The following UTS2B variants were observed in gnomAD, a reference collection of about 807,000 sequenced individuals.
UTS2B encodes urotensin 2B.
UTS2B carries 21 observed loss-of-function variants against 19.2 expected under a neutral mutation model. The observed-to-expected ratio is 1.09, with a 90% confidence interval of 0.78 to 1.58. The LOEUF (loss-of-function observed/expected upper bound fraction) is 1.58. Ranked by LOEUF, UTS2B falls within the 40% of genes most tolerant of loss-of-function variation. UTS2B has a pLI of 0.00. For missense variants in UTS2B, 138 were observed against 130.3 expected (o/e 1.06, Z -0.29); for synonymous variants, 57 against 50.2 (o/e 1.14, Z -0.58).
intron 6 of UTS2B, among the ~76,000 whole-genome samples, 193 bp from the exon 7 acceptor site, chr3:191,277,037 G>A (rs760235720): frequency 5.3e-5 from 8 of 152,100 alleles, no homozygotes; most frequent in Non-Finnish European, 1.0e-4. Context: ...AATCAGTTAT[G>A]TCATCTGAAA....
the UTS2B span, among the ~76,000 whole-genome samples, chr3:191,338,314 A>T: frequency 6.6e-6 from 1 of 152,192 alleles, no homozygotes; most frequent in African/African-American, 2.4e-5. Flanking sequence ...GTCTGTGTAA[A>T]TATCGAATAC....
chr3:191,291,909 T>C (rs1269241025), intron 4 of UTS2B, among the ~76,000 whole-genome samples: 2 of 152,154 alleles, frequency 1.3e-5, no homozygotes, highest in Non-Finnish European at 2.9e-5. Context: ...GTCATAGATG[T>C]ATGGTTTTAT....
chr3:191,279,007 T>A (rs1328114657), intron 5 of UTS2B, among the ~76,000 whole-genome samples: 1 of 152,070 alleles, frequency 6.6e-6, no homozygotes, highest in Admixed American at 6.6e-5. Context: ...TAATGAGATT[T>A]AAGTTTAGGA....
At chr3:191,295,049 C>G (rs949745303) in intron 4 of UTS2B, among the ~76,000 whole-genome samples, 1 of 133,234 alleles carries the variant, frequency 7.5e-6, no homozygotes, top group African/African-American at 2.6e-5. Context: ...ACAACAACAA[C>G]AACAAACTTT....
At chr3:191,287,013 T>A (rs1305063777) in intron 4 of UTS2B, among the ~76,000 whole-genome samples, 1 of 150,178 alleles carries the variant, frequency 6.7e-6, no homozygotes. Context: ...TCAAAAAAAA[T>A]GGATAAATTC....
rs115986233 is a variant in UTS2B at position 191,329,954 on chromosome 3, G to C, written c.-665+460C>G. On this transcript the variant is annotated intron_variant, in intron 1 of 8. Coordinates refer to ENST00000340524, the MANE Select transcript of UTS2B (RefSeq NM_198152.5). ...TCAAGGGGGTGGTTGGGGGGGGGGGGGGCTAGCAGCAGCCCCAGCAAGTAG... is the reference window on the plus strand; with the variant it reads ...TCAAGGGGGTGGTTGGGGGGGGGGGCGGCTAGCAGCAGCCCCAGCAAGTAG... Among the ~76,000 whole-genome samples the C allele has an allele frequency of 6.2e-4, 86 of 138,340 alleles. 1 individual carries two copies. Among genetic ancestry groups the C allele is most frequent in the African/African-American group, 9.4e-4 (35 of 37,294 alleles). 90.8% of individuals were successfully genotyped at this position (138,340 alleles called of 152,430 possible). A position where few individuals can be genotyped will look rare whatever the true frequency, so the allele number is the denominator to read the frequency against.
At chr3:191,272,041 C>A (rs940627945) in intron 8 of UTS2B, among the ~76,000 whole-genome samples, 2 of 152,210 alleles carry the variant, frequency 1.3e-5, no homozygotes, top group African/African-American at 4.8e-5. Flanking sequence ...TGCTTCATCT[C>A]TTTCCTATCC....
Position 191,276,962 on chromosome 3 carries a change from A to G in UTS2B, c.203-118T>C, listed in dbSNP as rs1716253487. 5 of 807,806 alleles carry G rather than the reference A, an allele frequency of 6.2e-6. No individual in the cohort carries two copies. In the Admixed American group the frequency reaches 1.1e-4, roughly 18 times the overall value. The allele number at this position is 807,806 out of a possible 1,614,324, so 50.0% of individuals were successfully genotyped here. ...ATAGGTCTTTTTCATATGATTTGAC[A>G]TCACCCATCCATTCCTAATATAAAA... On this transcript the variant is annotated intron_variant, in intron 6 of 8. Coordinates refer to ENST00000340524, the MANE Select transcript of UTS2B (RefSeq NM_198152.5).
intron 5 of UTS2B, among the ~76,000 whole-genome samples, chr3:191,280,458 A>G (rs1716355429): frequency 6.6e-6 from 1 of 152,172 alleles, no homozygotes; most frequent in Non-Finnish European, 1.5e-5. Flanking sequence ...AAATTATATT[A>G]GAAGACTAAA....
the UTS2B span, among the ~76,000 whole-genome samples, chr3:191,343,890 C>G: frequency 6.6e-6 from 1 of 152,214 alleles, no homozygotes; most frequent in East Asian, 1.9e-4. Context: ...ACTTTCTAAT[C>G]AGAAATTTGT....
chr3:191,318,146 T>G (rs1019627343), intron 2 of UTS2B, among the ~76,000 whole-genome samples: 11 of 152,200 alleles, frequency 7.2e-5, no homozygotes, highest in African/African-American at 2.2e-4. Context: ...AAAGCAATAA[T>G]CTGTGACATG....
rs535650837 is a variant in UTS2B at position 191,304,484 on chromosome 3, C to T, written c.-125+8G>A. On this transcript the variant is annotated splice_region_variant and intron_variant, in intron 4 of 8. Transcript: ENST00000340524. ...TTTTCCTTTCCCAGGTACATTTCTCCTACTCACCATTCTCTCGTGCTATTT... is the reference window on the plus strand; with the variant it reads ...TTTTCCTTTCCCAGGTACATTTCTCTTACTCACCATTCTCTCGTGCTATTT... 3.3e-5 allele frequency: 5 copies of T among 152,206 alleles called. No homozygotes were observed. The highest frequency in any genetic ancestry group is 7.3e-5 in the Non-Finnish European group (5 of 68,032). 9.4% of individuals were successfully genotyped at this position (152,206 alleles called of 1,614,324 possible). A position where few individuals can be genotyped will look rare whatever the true frequency, so the allele number is the denominator to read the frequency against.
chr3:191,323,145 T>TTTTATGTTATTTTATTTTATTTTA, intron 2 of UTS2B, among the ~76,000 whole-genome samples: 1 of 148,886 alleles, frequency 6.7e-6, no homozygotes, highest in African/African-American at 2.5e-5. Context: ...TTTTATTTTA[T>TTTTATGTTATTTTATTTTATTTTA]TTTATTTATT....
chr3:191,268,133 C>T lies in UTS2B; in HGVS notation c.*283G>A. On this transcript the variant is annotated 3_prime_UTR_variant, in exon 9 of 9. Transcript: ENST00000340524. ...ATTCCATTCCCAGAGCTATGAACATCTGCTTTTCTGGGATAGGAATCTTGG... is the reference window on the plus strand; with the variant it reads ...ATTCCATTCCCAGAGCTATGAACATTTGCTTTTCTGGGATAGGAATCTTGG... 4.1e-6 allele frequency: 1 copy of T among 246,094 alleles called. No individual in the cohort carries two copies. The allele number at this position is 246,094 out of a possible 1,614,324, so 15.2% of individuals were successfully genotyped here.
At chr3:191,311,286 T>C (rs567788181) in intron 3 of UTS2B, among the ~76,000 whole-genome samples, 2 of 152,234 alleles carry the variant, frequency 1.3e-5, no homozygotes, top group Non-Finnish European at 2.9e-5. Context: ...GTGGGAAAAT[T>C]TGAAGAAAAA....
intron 4 of UTS2B, among the ~76,000 whole-genome samples, chr3:191,302,369 T>C (rs1029754071): frequency 6.6e-6 from 1 of 152,230 alleles, no homozygotes; most frequent in Non-Finnish European, 1.5e-5. Context: ...GTTTAGCATA[T>C]GATTAAGAAA....
chr3:191,329,452 G>A, intron 1 of UTS2B: 1 of 463,052 alleles, frequency 2.2e-6, no homozygotes, highest in Non-Finnish European at 3.8e-6. Context: ...GCAGGTGGCC[G>A]CGGCGGGGCA....
chr3:191,293,971 GGTGACACACGCCT>G lies in UTS2B; in HGVS notation c.-125+10508_-125+10520del, dbSNP rs1716789610. On this transcript the variant is annotated intron_variant, in intron 4 of 8. Transcript: ENST00000340524. ...TAAAAATACAAAATTAGCCGGGCGT[GGTGACACACGCCT>G]GTAATCCCAGCTACTCGGGTGGCTG... Among the ~76,000 whole-genome samples the G allele has an allele frequency of 2.0e-5, 3 of 151,782 alleles. No homozygotes were observed. In the South Asian group the frequency reaches 6.3e-4, roughly 32 times the overall value.
At chr3:191,338,028 C>T in the UTS2B span, among the ~76,000 whole-genome samples, 2 of 152,074 alleles carry the variant, frequency 1.3e-5, no homozygotes, top group Non-Finnish European at 2.9e-5. Flanking sequence ...GGAGTCTCCC[C>T]TGGACTTTTT....
Sources: allele counts gnomAD v4.1 joint callset (sites outside exome capture counted in the v4.1 genomes callset), GRCh38; gene constraint gnomAD v4.1.1; transcripts MANE v1.5; gene names NCBI Gene and HGNC (gene_info 2026-07-23, HGNC 2026-07-21).